Variants in ACTN1 observed in about 807,000 individuals in gnomAD.
ACTN1 encodes alpha-actinin-1.
ACTN1 carries 30 observed loss-of-function variants against 119.6 expected under a neutral mutation model. That is an observed-to-expected ratio of 0.25 (90% CI 0.19 to 0.34). The LOEUF (loss-of-function observed/expected upper bound fraction) is 0.34, where lower values mean the gene tolerates loss of function less well. Among genes scored for constraint, ACTN1 ranks in the 10% least tolerant of loss-of-function variants. The pLI, the probability that ACTN1 is intolerant of heterozygous loss-of-function variation, is 1.00. For missense variants in ACTN1, 764 were observed against 1,223.4 expected (o/e 0.62, Z 5.60); for synonymous variants, 429 against 472.6 (o/e 0.91, Z 1.20).
rs1489488171 is a variant in ACTN1 at position 68,979,122 on chromosome 14, C to T, written c.-66G>A. On this transcript the variant is annotated 5_prime_UTR_variant, in exon 1 of 22. Coordinates refer to ENST00000394419, the MANE Select transcript of ACTN1 (RefSeq NM_001130004.2). ...CTTCTCTCTGAGCAACGGCTGCTGC[C>T]CTGGCGTGGGGAGGGAGTAGGGCTG... 9.5e-7 allele frequency: 1 copy of T among 1,051,612 alleles called. No individual in the cohort carries two copies. The highest frequency in any genetic ancestry group is 1.6e-5 in the African/African-American group (1 of 61,082). 65.1% of individuals were successfully genotyped at this position (1,051,612 alleles called of 1,614,324 possible). A position where few individuals can be genotyped will look rare whatever the true frequency, so the allele number is the denominator to read the frequency against.
chr14:68,971,664 C>T lies in ACTN1; in HGVS notation c.105+7288G>A, dbSNP rs994159128. 5.3e-5 allele frequency among the ~76,000 whole-genome samples: 8 copies of T among 152,214 alleles called. No homozygotes were observed. In the South Asian group the frequency reaches 1.2e-3, roughly 24 times the overall value. Reference sequence around the variant, plus strand: ...AACGTTAAATGAAGCCACTGACAAACGCATCTGACATACACTCCATGTGCA... The same window carrying T: ...AACGTTAAATGAAGCCACTGACAAATGCATCTGACATACACTCCATGTGCA... On this transcript the variant is annotated intron_variant, in intron 1 of 21. Coordinates refer to ENST00000394419, the MANE Select transcript of ACTN1 (RefSeq NM_001130004.2).
chr14:68,902,618 C>T (rs190810070), intron 7 of ACTN1, 56 bp from the exon 8 acceptor site: 4 of 1,462,084 alleles, frequency 2.7e-6, no homozygotes, highest in Admixed American at 3.5e-5. Flanking sequence ...CCATACACCC[C>T]CGACGTGAGG....
Position 68,878,933 on chromosome 14 carries a change from A to G in ACTN1, c.2361+56T>C, listed in dbSNP as rs1210828600. 6.2e-7 allele frequency: 1 copy of G among 1,611,184 alleles called. No homozygotes were observed. The highest frequency in any genetic ancestry group is 1.3e-5 in the African/African-American group (1 of 74,688). On this transcript the variant is annotated intron_variant, in intron 19 of 21. Transcript: ENST00000394419. The surrounding 1 kb of genome is among the most constrained non-coding windows in gnomAD (Gnocchi z 4.4). ...GAGAGAAGAGAAAAAGGAAAAACGC[A>G]TTATTTCTTGCCCCAGACGCCACCC...
intron 3 of ACTN1, among the ~76,000 whole-genome samples, chr14:68,915,473 C>T (rs894967763): frequency 1.3e-5 from 2 of 152,202 alleles, no homozygotes; most frequent in Non-Finnish European, 2.9e-5. Flanking sequence ...CTCTCTTTCC[C>T]CTCTAGAATG....
intron 1 of ACTN1, among the ~76,000 whole-genome samples, chr14:68,966,347 C>T (rs992658455): frequency 1.3e-5 from 2 of 152,122 alleles, no homozygotes; most frequent in African/African-American, 4.8e-5. Flanking sequence ...TGTGATAATC[C>T]AAGTACAGCC....
At chr14:68,941,027 C>T (rs1275151753) in intron 1 of ACTN1, among the ~76,000 whole-genome samples, 1 of 152,176 alleles carries the variant, frequency 6.6e-6, no homozygotes, top group Non-Finnish European at 1.5e-5. Context: ...GGTCACCAGG[C>T]TGTCAGCTGG....
Position 68,885,387 on chromosome 14 carries a change from C to T in ACTN1, c.1385+38G>A. ...AGCAGCTGAGAAAGCCCAGCCTCAG[C>T]CCCTCACCACAGGGTAGGGGTGTCT... On this transcript the variant is annotated intron_variant, in intron 12 of 21. Transcript: ENST00000394419. The surrounding 1 kb of genome is among the most constrained non-coding windows in gnomAD (Gnocchi z 5.6). 1 of 1,575,204 alleles carries T rather than the reference C, an allele frequency of 6.3e-7. No individual in the cohort carries two copies. The highest frequency in any genetic ancestry group is 8.6e-7 in the Non-Finnish European group (1 of 1,156,724).
intron 1 of ACTN1, among the ~76,000 whole-genome samples, chr14:68,970,676 C>CT (rs1244940403): frequency 2.0e-5 from 3 of 152,214 alleles, no homozygotes; most frequent in African/African-American, 7.2e-5. Context: ...GAACGTGGGA[C>CT]TGGGGAGGCC....
intron 8 of ACTN1, among the ~76,000 whole-genome samples, chr14:68,902,044 G>A (rs1303993779): frequency 6.6e-6 from 1 of 152,226 alleles, no homozygotes; most frequent in Non-Finnish European, 1.5e-5. Context: ...TTTGCCAAGT[G>A]GGTAAGTGAA....
chr14:68,882,434 A>G lies in ACTN1; in HGVS notation c.1953+24T>C, dbSNP rs577789091. The G allele has an allele frequency of 5.0e-5, 80 of 1,612,400 alleles. 2 individuals carry two copies. The South Asian group carries it at 8.8e-4, about 18-fold the overall frequency. ...GGGGGGGAGGGGTGGGAGCCCCAGCACTGCTTCCCAGCATGGGACCCACCT... is the reference window on the plus strand; with the variant it reads ...GGGGGGGAGGGGTGGGAGCCCCAGCGCTGCTTCCCAGCATGGGACCCACCT... On this transcript the variant is annotated intron_variant, in intron 16 of 21. Coordinates refer to ENST00000394419, the MANE Select transcript of ACTN1 (RefSeq NM_001130004.2). This position sits in a 1 kb window ranked among gnomAD's most constrained non-coding sequence, Gnocchi z 4.5.
rs750510728 is a variant in ACTN1, at chr14:68,878,778, A to G, written c.2361+211T>C. The G allele has an allele frequency of 1.9e-5, 30 of 1,563,652 alleles. No individual in the cohort carries two copies. In the South Asian group the frequency reaches 3.4e-4, roughly 18 times the overall value. ...GGATGAAGAGCAGCGAGGACGGAAG[A>G]CAGCGGGCACCCAGTAGGTTGCCAT... On this transcript the variant is annotated intron_variant, in intron 19 of 21. Coordinates refer to ENST00000394419, the MANE Select transcript of ACTN1 (RefSeq NM_001130004.2). This position sits in a 1 kb window ranked among gnomAD's most constrained non-coding sequence, Gnocchi z 4.4.
At chr14:68,936,787 A>G (rs908648140) in intron 1 of ACTN1, 1 of 610,892 alleles carries the variant, frequency 1.6e-6, no homozygotes, top group African/African-American at 1.8e-5. Flanking sequence ...GAATGGCTGA[A>G]GGACACTTGT....
At chr14:68,949,794 C>A (rs2036068337) in intron 1 of ACTN1, among the ~76,000 whole-genome samples, 1 of 152,182 alleles carries the variant, frequency 6.6e-6, no homozygotes, top group African/African-American at 2.4e-5. Flanking sequence ...GAAATTCTGA[C>A]ACATGCTGCA....
chr14:68,951,572 G>C (rs2036169791), intron 1 of ACTN1, among the ~76,000 whole-genome samples: 1 of 152,182 alleles, frequency 6.6e-6, no homozygotes, highest in African/African-American at 2.4e-5. Context: ...GTGTGCCCTT[G>C]ACTCCGTTTC....
At position 68,880,273 on chromosome 14, in the gene ACTN1, C is replaced by A. The variant is rs1357185646; in HGVS notation, c.2134-165G>T. Among the ~76,000 whole-genome samples, 1 of 152,164 alleles carries A rather than the reference C, an allele frequency of 6.6e-6. No individual in the cohort carries two copies. The highest frequency in any genetic ancestry group is 1.5e-5 in the Non-Finnish European group (1 of 68,010). On this transcript the variant is annotated intron_variant, in intron 17 of 21. Coordinates refer to ENST00000394419, the MANE Select transcript of ACTN1 (RefSeq NM_001130004.2). The surrounding 1 kb of genome is among the most constrained non-coding windows in gnomAD (Gnocchi z 4.6). ...GAAGGGGAACCAGGACAAGGACAAC[C>A]TACTAGGACAAGGACCCTAGATGAC...
rs570696366 is a variant in ACTN1 at position 68,954,839 on chromosome 14, C to G, written c.105+24113G>C. Among the ~76,000 whole-genome samples the G allele has an allele frequency of 3.9e-5, 6 of 152,306 alleles. 1 individual carries two copies. The South Asian group carries it at 1.2e-3, about 32-fold the overall frequency. ...CGCTCTATTAGAACCTTGCCCTGGT[C>G]AGACTTTTTTTCTTTTTAAAAATTG... On this transcript the variant is annotated intron_variant, in intron 1 of 21. Coordinates refer to ENST00000394419, the MANE Select transcript of ACTN1 (RefSeq NM_001130004.2).
intron 1 of ACTN1, among the ~76,000 whole-genome samples, chr14:68,934,206 C>A (rs144701632): frequency 6.6e-6 from 1 of 152,188 alleles, no homozygotes; most frequent in Non-Finnish European, 1.5e-5. Context: ...AAAACAAGCA[C>A]GCAGCAGACA....
At chr14:68,956,422 G>GT (rs2036353636) in intron 1 of ACTN1, among the ~76,000 whole-genome samples, 1 of 152,164 alleles carries the variant, frequency 6.6e-6, no homozygotes, top group Admixed American at 6.5e-5. Flanking sequence ...CCTTCATAGG[G>GT]TTATCTAGCT....
chr14:68,917,727 A>G (rs1037920872), intron 3 of ACTN1, among the ~76,000 whole-genome samples: 8 of 152,208 alleles, frequency 5.3e-5, no homozygotes, highest in Non-Finnish European at 1.0e-4. Context: ...AGCTGAAAAC[A>G]CTGGCTCCTC....
Sources: allele counts gnomAD v4.1 joint callset (sites outside exome capture counted in the v4.1 genomes callset), GRCh38; gene constraint gnomAD v4.1.1; non-coding constraint Gnocchi (gnomAD v3.1); transcripts MANE v1.5; gene names NCBI Gene and HGNC (gene_info 2026-07-23, HGNC 2026-07-21).